Variants in COL22A1 observed in about 807,000 individuals in gnomAD.
The protein encoded by COL22A1 is collagen alpha-1(XXII) chain.
In COL22A1, 221 loss-of-function variants were observed where a neutral mutation model predicts 248.9. That is an observed-to-expected ratio of 0.89 (90% CI 0.80 to 0.99). The LOEUF is 0.99. COL22A1 is among the 50% of genes least tolerant of loss of function. COL22A1 has a pLI of 0.00. For synonymous variants in COL22A1, 891 were observed against 793.4 expected, an observed-to-expected ratio of 1.12 and a Z score of -2.07; for missense variants, 2,240 against 2,179.0, an observed-to-expected ratio of 1.03 and a Z score of -0.56.
At chr8:138,607,612 T>C (rs2131860564) in intron 57 of COL22A1, among the ~76,000 whole-genome samples, 1 of 151,192 alleles carries the variant, frequency 6.6e-6, no homozygotes, top group Admixed American at 6.6e-5. Flanking sequence ...TCTGACCTCA[T>C]CCTCCCATCC....
chr8:138,624,020 T>C lies in COL22A1; in HGVS notation c.3718-235A>G, dbSNP rs528840264. Among the ~76,000 whole-genome samples the C allele has an allele frequency of 4.6e-5, 7 of 152,246 alleles. 1 individual carries two copies. In the South Asian group the frequency reaches 1.2e-3, roughly 27 times the overall value. ...TATCTGGCATATAGTGGGAAAGCAA[T>C]ACATTTTGTAATAGCATTATTATTA... On this transcript the variant is annotated intron_variant, in intron 51 of 64. Transcript: ENST00000303045.
chr8:138,900,451 T>C (rs1476658574), intron 1 of COL22A1, among the ~76,000 whole-genome samples: 1 of 152,256 alleles, frequency 6.6e-6, no homozygotes, highest in Non-Finnish European at 1.5e-5. Context: ...AAGTGAGACC[T>C]GTTTTCCGAA....
intron 10 of COL22A1, among the ~76,000 whole-genome samples, chr8:138,806,165 TGA>T: frequency 1.5e-4 from 1 of 6,772 alleles, no homozygotes; most frequent in African/African-American, 6.8e-4. Context: ...TGTGTGTGTG[TGA>T]TGGTGTAAGT....
In COL22A1 at chr8:138,669,324, G is replaced by T. The variant is rs11995382; in HGVS notation, c.3151-5584C>A. ...GAGTGCCGAAGAGGGCTCGGCCACG[G>T]CCGTGGGGTCTGATAAGGAGGCAGA... On this transcript the variant is annotated intron_variant, in intron 41 of 64. Coordinates refer to ENST00000303045, the MANE Select transcript of COL22A1 (RefSeq NM_152888.3). Among the ~76,000 whole-genome samples, 531 of 152,324 alleles carry T rather than the reference G, an allele frequency of 3.5e-3. 2 individuals carry two copies. The highest frequency in any genetic ancestry group is 0.012 in the African/African-American group (507 of 41,588).
intron 18 of COL22A1, 34 bp downstream of exon 18, chr8:138,760,209 G>A (rs1833346751): frequency 1.3e-6 from 2 of 1,538,022 alleles, no homozygotes; most frequent in Non-Finnish European, 1.8e-6. Context: ...CCTGCCCAGG[G>A]CACAGAGCCC....
At chr8:138,762,122 T>A (rs1269779411) in intron 17 of COL22A1, among the ~76,000 whole-genome samples, 1 of 152,214 alleles carries the variant, frequency 6.6e-6, no homozygotes, top group Non-Finnish European at 1.5e-5. Context: ...GAGCGCTGCT[T>A]ACACACATCA....
intron 2 of COL22A1, among the ~76,000 whole-genome samples, chr8:138,878,832 C>T (rs2132048052): frequency 6.6e-6 from 1 of 152,084 alleles, no homozygotes; most frequent in Admixed American, 6.5e-5. Flanking sequence ...GCAGTGAAAC[C>T]CCATCTCTAC....
chr8:138,791,655 T>G (rs977859717), intron 12 of COL22A1, among the ~76,000 whole-genome samples: 1 of 152,148 alleles, frequency 6.6e-6, no homozygotes, highest in African/African-American at 2.4e-5. Flanking sequence ...TCCTGCACAC[T>G]TGGCATCCTC....
At chr8:138,842,478 TG>T (rs1259646037) in intron 4 of COL22A1, among the ~76,000 whole-genome samples, 1 of 152,122 alleles carries the variant, frequency 6.6e-6, no homozygotes. Flanking sequence ...CGAATATCAA[TG>T]GGAGGGGTCT....
intron 35 of COL22A1, among the ~76,000 whole-genome samples, chr8:138,692,062 A>G (rs1419121415): frequency 5.0e-5 from 3 of 60,256 alleles, no homozygotes; most frequent in African/African-American, 2.2e-4. Flanking sequence ...GTGTGCGCGC[A>G]CGTTTGTGGA....
chr8:138,664,413 G>A (rs1321004569), intron 41 of COL22A1, among the ~76,000 whole-genome samples: 1 of 152,008 alleles, frequency 6.6e-6, no homozygotes, highest in East Asian at 1.9e-4. Flanking sequence ...GAGTGGGACC[G>A]TCCCTTGCCC....
intron 2 of COL22A1, among the ~76,000 whole-genome samples, chr8:138,882,780 C>A (rs905590117): frequency 6.6e-6 from 1 of 151,986 alleles, no homozygotes; most frequent in South Asian, 2.1e-4. Flanking sequence ...ACACTTCAAA[C>A]TCCCACACAC....
chr8:138,702,459 T>A (rs1454773243), intron 31 of COL22A1, among the ~76,000 whole-genome samples: 2 of 152,150 alleles, frequency 1.3e-5, no homozygotes, highest in East Asian at 3.9e-4. Context: ...GCACAGGCTC[T>A]CTCCTCTCCT....
intron 23 of COL22A1, among the ~76,000 whole-genome samples, chr8:138,729,799 C>T (rs185621899): frequency 2.0e-5 from 3 of 152,306 alleles, no homozygotes; most frequent in Non-Finnish European, 4.4e-5. Flanking sequence ...CAGAGAGCCA[C>T]ACAGTGTGGG....
intron 23 of COL22A1, among the ~76,000 whole-genome samples, chr8:138,733,998 G>A (rs1029255244): frequency 6.6e-6 from 1 of 152,104 alleles, no homozygotes; most frequent in Non-Finnish European, 1.5e-5. Context: ...TGGAGCCTGC[G>A]GAAATTATTC....
intron 10 of COL22A1, among the ~76,000 whole-genome samples, chr8:138,804,234 C>T (rs946655344): frequency 6.6e-5 from 10 of 152,122 alleles, no homozygotes; most frequent in South Asian, 2.1e-4. Context: ...TGTAGGGACA[C>T]GGAGCCACCA....
intron 41 of COL22A1, 117 bp from the exon 42 acceptor site, chr8:138,663,857 C>T: frequency 1.3e-6 from 1 of 771,630 alleles, no homozygotes; most frequent in Non-Finnish European, 2.3e-6. Context: ...TCACTAACTT[C>T]CTCCCACCTT....
At chr8:138,635,898 T>C (rs1432103439) in intron 48 of COL22A1, among the ~76,000 whole-genome samples, 6 of 152,200 alleles carry the variant, frequency 3.9e-5, no homozygotes. Flanking sequence ...TGTGGGTTAC[T>C]CGTTCATGTC....
chr8:138,650,723 T>C (rs562837857), intron 45 of COL22A1, among the ~76,000 whole-genome samples: 20 of 147,860 alleles, frequency 1.4e-4, no homozygotes, highest in African/African-American at 5.0e-4. Context: ...GATAGACAGA[T>C]AGACAGATAC....
Sources: allele counts gnomAD v4.1 joint callset (sites outside exome capture counted in the v4.1 genomes callset), GRCh38; gene constraint gnomAD v4.1.1; transcripts MANE v1.5; gene names NCBI Gene and HGNC (gene_info 2026-07-23, HGNC 2026-07-21).